The following RFTN1 variants were observed in gnomAD, a reference collection of about 807,000 sequenced individuals.
RFTN1 encodes the protein raftlin, lipid raft linker 1, also known as raftlin.
A neutral mutation model predicts 46.5 loss-of-function variants in RFTN1; 26 were observed. That is an observed-to-expected ratio of 0.56 (90% CI 0.41 to 0.78). RFTN1 has a LOEUF of 0.78. RFTN1 is among the 30% of genes least tolerant of loss of function. The pLI, the probability that RFTN1 is intolerant of heterozygous loss-of-function variation, is 0.00. For synonymous variants in RFTN1, 261 were observed against 284.2 expected (o/e 0.92, Z 0.82); for missense variants, 693 against 718.7 (o/e 0.96, Z 0.41).
intron 1 of RFTN1, among the ~76,000 whole-genome samples, chr3:16,503,873 A>G (rs1283369489): frequency 6.6e-6 from 1 of 152,220 alleles, no homozygotes; most frequent in Non-Finnish European, 1.5e-5. Flanking sequence ...TGAGATGTCC[A>G]TGGATCCACC....
In RFTN1 at chr3:16,317,269, T is replaced by C. The variant is rs1575212617; in HGVS notation, c.1333-37A>G. 1 of 1,601,698 alleles carries C rather than the reference T, an allele frequency of 6.2e-7. No homozygotes were observed. The highest frequency in any genetic ancestry group is 1.3e-5 in the African/African-American group (1 of 74,388). On this transcript the variant is annotated intron_variant, in intron 9 of 9. Transcript: ENST00000334133. The surrounding 1 kb of genome is among the most constrained non-coding windows in gnomAD (Gnocchi z 4.3). ...AAAGGATGGGGATAAATAACAAGCCTCCGGGAACCCAGAGCTTCACCCAAA... is the reference window on the plus strand; with the variant it reads ...AAAGGATGGGGATAAATAACAAGCCCCCGGGAACCCAGAGCTTCACCCAAA...
At chr3:16,404,714 C>T (rs1038325906) in intron 4 of RFTN1, among the ~76,000 whole-genome samples, 1 of 152,062 alleles carries the variant, frequency 6.6e-6, no homozygotes, top group Non-Finnish European at 1.5e-5. Context: ...CTCCTCCAGT[C>T]TCAGTTCCTC....
rs929048489 is a variant in RFTN1 at position 16,400,474 on chromosome 3, T to G, written c.441+8901A>C. Among the ~76,000 whole-genome samples the G allele has an allele frequency of 6.6e-6, 1 of 152,230 alleles. No homozygotes were observed. Among genetic ancestry groups the G allele is most frequent in the Admixed American group, 6.5e-5 (1 of 15,284 alleles). On this transcript the variant is annotated intron_variant, in intron 4 of 9. Coordinates refer to ENST00000334133, the MANE Select transcript of RFTN1 (RefSeq NM_015150.2). This position sits in a 1 kb window ranked among gnomAD's most constrained non-coding sequence, Gnocchi z 4.5. ...CATGTGCCCATCTGCTCTGTGTCTG[T>G]GCCCTCAGCTAGACTCTAAGTTTCA...
rs745964114 is a variant in RFTN1 at position 16,417,632 on chromosome 3, G to A, written c.333-8149C>T. Among the ~76,000 whole-genome samples the A allele has an allele frequency of 8.5e-5, 13 of 152,262 alleles. 1 individual carries two copies. Among genetic ancestry groups the A allele is most frequent in the South Asian group, 8.3e-4 (4 of 4,826 alleles). ...GATCTTCACTCACCACCACCCTAGCGTCTGCCAAGGGTGGTGTAGTCATTC... is the reference window on the plus strand; with the variant it reads ...GATCTTCACTCACCACCACCCTAGCATCTGCCAAGGGTGGTGTAGTCATTC... On this transcript the variant is annotated intron_variant, in intron 3 of 9. Transcript: ENST00000334133.
chr3:16,323,606 C>T (rs1320072159), intron 8 of RFTN1, 149 bp from the exon 9 acceptor site: 1 of 570,888 alleles, frequency 1.8e-6, no homozygotes, highest in Non-Finnish European at 3.1e-6. Flanking sequence ...CTCTTCCGCT[C>T]CCAGGCCATC....
chr3:16,373,581 C>T (rs2073614874), intron 5 of RFTN1, among the ~76,000 whole-genome samples: 1 of 152,172 alleles, frequency 6.6e-6, no homozygotes, highest in South Asian at 2.1e-4. Context: ...CCCCAGAGAG[C>T]CCAGGTCTTG....
intron 1 of RFTN1, among the ~76,000 whole-genome samples, chr3:16,508,843 A>G (rs1163519430): frequency 2.0e-5 from 3 of 149,704 alleles, no homozygotes; most frequent in Non-Finnish European, 4.5e-5. Context: ...TAAAAAAAAA[A>G]CACCACAGAG....
In RFTN1 at chr3:16,348,977, A is replaced by T. The variant is rs554242676; in HGVS notation, c.1146+8955T>A. On this transcript the variant is annotated intron_variant, in intron 7 of 9. Coordinates refer to ENST00000334133, the MANE Select transcript of RFTN1 (RefSeq NM_015150.2). The surrounding 1 kb of genome is among the most constrained non-coding windows in gnomAD (Gnocchi z 6.3). Reference sequence around the variant, plus strand: ...GCTAAAAGAGGTAAAAGAGGGACAGACAGCCATCCCAGGCTCCACTATCCA... The same window carrying T: ...GCTAAAAGAGGTAAAAGAGGGACAGTCAGCCATCCCAGGCTCCACTATCCA... Among the ~76,000 whole-genome samples, 2 of 152,210 alleles carry T rather than the reference A, an allele frequency of 1.3e-5. No homozygotes were observed. Among genetic ancestry groups the T allele is most frequent in the Non-Finnish European group, 1.5e-5 (1 of 68,034 alleles).
At position 16,484,934 on chromosome 3, in the gene RFTN1, T is replaced by TA. The variant is rs1275786710; in HGVS notation, c.145+8790dup. 6.6e-6 allele frequency: 1 copy of TA among 152,248 alleles called. No individual in the cohort carries two copies. Among genetic ancestry groups the TA allele is most frequent in the Non-Finnish European group, 1.5e-5 (1 of 68,038 alleles). 9.4% of individuals were successfully genotyped at this position (152,248 alleles called of 1,614,324 possible). ...TGTTAGTTTGTTTAGAAGAGATTAA[T>TA]ACAACAGTAGGTGCTGAATAAAAAG... On this transcript the variant is annotated intron_variant, in intron 2 of 9. Transcript: ENST00000334133. The surrounding 1 kb of genome is among the most constrained non-coding windows in gnomAD (Gnocchi z 4.6).
Position 16,377,749 on chromosome 3 carries a change from G to A in RFTN1, c.795C>T (p.Pro265=). 7 of 1,608,070 alleles carry A rather than the reference G, an allele frequency of 4.4e-6. No homozygotes were observed. Among genetic ancestry groups the A allele is most frequent in the Non-Finnish European group, 6.0e-6 (7 of 1,175,176 alleles). Residue 265 remains proline (P), a synonymous_variant, in exon 5 of 10, where the codon CCC becomes CCT. Transcript: ENST00000334133. ...AGAGTGGCTCTTCATGCACCTCCAA[G>A]GGGTTGCTCTCCGGTCCATCCAGTG... ...SKTLDGPESN[P]LEVHEEPLSG...
chr3:16,437,083 G>T (rs1347897112), intron 2 of RFTN1, among the ~76,000 whole-genome samples: 1 of 151,996 alleles, frequency 6.6e-6, no homozygotes, highest in Non-Finnish European at 1.5e-5. Flanking sequence ...TCTTCCTTTG[G>T]GTCCCTCTGG....
rs925392614 is a variant in RFTN1 at position 16,348,329 on chromosome 3, G to C, written c.1146+9603C>G. 7.9e-5 allele frequency among the ~76,000 whole-genome samples: 12 copies of C among 151,878 alleles called. No individual in the cohort carries two copies. The East Asian group carries it at 2.3e-3, about 29-fold the overall frequency. ...TATCTATTATTGAAGGCATCTAGGA[G>C]ATCATCCACATTATCCAATATGTGT... On this transcript the variant is annotated intron_variant, in intron 7 of 9. Coordinates refer to ENST00000334133, the MANE Select transcript of RFTN1 (RefSeq NM_015150.2). The surrounding 1 kb of genome is among the most constrained non-coding windows in gnomAD (Gnocchi z 6.3).
In RFTN1 at chr3:16,345,264, T is replaced by TGTGTGTGTGTGTGTGTGTGTGTGTGTG. The variant is rs1553725944; in HGVS notation, c.1146+12667_1146+12668insCACACACACACACACACACACACACAC. ...AAACTGTAAGATAATAAGTAGGTGG[T>TGTGTGTGTGTGTGTGTGTGTGTGTGTG]TGTGTGTGTGTGTGTGTGTGTGTGT... On this transcript the variant is annotated intron_variant, in intron 7 of 9. Coordinates refer to ENST00000334133, the MANE Select transcript of RFTN1 (RefSeq NM_015150.2). The surrounding 1 kb of genome is among the most constrained non-coding windows in gnomAD (Gnocchi z 5.2). 6.9e-6 allele frequency: 1 copy of TGTGTGTGTGTGTGTGTGTGTGTGTGTG among 145,838 alleles called. No homozygotes were observed. The highest frequency in any genetic ancestry group is 2.6e-5 in the African/African-American group (1 of 37,754). 9.0% of individuals were successfully genotyped at this position (145,838 alleles called of 1,614,324 possible). A position where few individuals can be genotyped will look rare whatever the true frequency, so the allele number is the denominator to read the frequency against.
In RFTN1 at chr3:16,449,997, G is replaced by C. The variant is rs1222529446; in HGVS notation, c.146-15960C>G. On this transcript the variant is annotated intron_variant, in intron 2 of 9. Coordinates refer to ENST00000334133, the MANE Select transcript of RFTN1 (RefSeq NM_015150.2). The surrounding 1 kb of genome is among the most constrained non-coding windows in gnomAD (Gnocchi z 5.1). ...GGGAGGCGCAGCAGGGGAAAGAGGT[G>C]GAATTGCGGCAGGAATACATTAAGG... Among the ~76,000 whole-genome samples, 1 of 152,102 alleles carries C rather than the reference G, an allele frequency of 6.6e-6. No homozygotes were observed. Among genetic ancestry groups the C allele is most frequent in the South Asian group, 2.1e-4 (1 of 4,824 alleles).
rs373630219 is a variant in RFTN1, at chr3:16,337,241, C to G, written c.1147-10365G>C. On this transcript the variant is annotated intron_variant, in intron 7 of 9. Transcript: ENST00000334133. The surrounding 1 kb of genome is among the most constrained non-coding windows in gnomAD (Gnocchi z 5.0). ...CTAGCTGTGGTCCACCCATCAGCGC[C>G]TGCAGGCACATGCTGAGATTAGTCG... 7.9e-5 allele frequency: 12 copies of G among 152,352 alleles called. 2 individuals carry two copies. The highest frequency in any genetic ancestry group is 1.9e-4 in the East Asian group (1 of 5,190). The allele number at this position is 152,352 out of a possible 1,614,324, so 9.4% of individuals were successfully genotyped here. A position where few individuals can be genotyped will look rare whatever the true frequency, so the allele number is the denominator to read the frequency against.
chr3:16,433,849 A>G lies in RFTN1; in HGVS notation c.332+2T>C. 3 of 1,614,030 alleles carry G rather than the reference A, an allele frequency of 1.9e-6. No individual in the cohort carries two copies. Among genetic ancestry groups the G allele is most frequent in the Non-Finnish European group, 2.5e-6 (3 of 1,179,964 alleles). On this transcript the variant is annotated splice_donor_variant, in intron 3 of 9. Transcript: ENST00000334133. LOFTEE classifies it high-confidence loss of function. This position sits in a 1 kb window ranked among gnomAD's most constrained non-coding sequence, Gnocchi z 4.4. ...CTACCCATTCACCCGTGGAGGCCTT[A>G]CCTGTCGGTTTTCTTGATCAGGATG...
rs140429135 is a variant in RFTN1, at chr3:16,356,307, G to A, written c.1146+1625C>T. ...AGGGTCACACAGGAGTAACTGGTGG[G>A]GCTGATCTCACACCAGGCTGTCACC... On this transcript the variant is annotated intron_variant, in intron 7 of 9. Coordinates refer to ENST00000334133, the MANE Select transcript of RFTN1 (RefSeq NM_015150.2). This position sits in a 1 kb window ranked among gnomAD's most constrained non-coding sequence, Gnocchi z 4.9. 0.035 allele frequency among the ~76,000 whole-genome samples: 5,352 copies of A among 152,222 alleles called. 114 individuals carry two copies. Among genetic ancestry groups the A allele is most frequent in the Middle Eastern group, 0.082 (24 of 294 alleles).
intron 2 of RFTN1, among the ~76,000 whole-genome samples, chr3:16,461,946 G>A (rs2076014484): frequency 6.6e-6 from 1 of 152,140 alleles, no homozygotes; most frequent in South Asian, 2.1e-4. Flanking sequence ...TTTCTTTTCT[G>A]ACAAAAACTC....
intron 1 of RFTN1, among the ~76,000 whole-genome samples, chr3:16,505,982 G>T (rs950631634): frequency 1.3e-5 from 2 of 152,146 alleles, no homozygotes; most frequent in Non-Finnish European, 2.9e-5. Flanking sequence ...AAAAGAGCAC[G>T]CCTGCCCTCA....
Sources: gnomAD v4.1 joint callset for allele counts (sites outside exome capture counted in the v4.1 genomes callset) on GRCh38, gnomAD v4.1.1 for gene constraint, Gnocchi (gnomAD v3.1) non-coding constraint, MANE v1.5 for transcripts, NCBI Gene and HGNC (gene_info 2026-07-23, HGNC 2026-07-21) for gene names.